CRACDL: variants seen among roughly 807,000 people sequenced by gnomAD.
CRACDL encodes the protein CRACD-like protein.
CRACDL carries 26 observed loss-of-function variants against 70.6 expected under a neutral mutation model. That is an observed-to-expected ratio of 0.37 (90% CI 0.27 to 0.51). The LOEUF (loss-of-function observed/expected upper bound fraction) is 0.51. CRACDL is among the 20% of genes least tolerant of loss of function. The pLI is 0.94. For synonymous variants in CRACDL, 618 were observed against 615.2 expected, an observed-to-expected ratio of 1.00 and a Z score of -0.07; for missense variants, 1,283 against 1,376.9, an observed-to-expected ratio of 0.93 and a Z score of 1.08.
intron 1 of CRACDL, among the ~76,000 whole-genome samples, chr2:98,933,749 T>TA (rs1709141837): frequency 6.6e-6 from 1 of 152,152 alleles, no homozygotes. Context: ...GGAGGCCTGG[T>TA]ACCTTCACAT....
intron 1 of CRACDL, among the ~76,000 whole-genome samples, chr2:98,900,994 C>A (rs766845152): frequency 2.6e-5 from 4 of 152,206 alleles, no homozygotes; most frequent in Non-Finnish European, 5.9e-5. Flanking sequence ...GAGCGCTGAG[C>A]CCTTCCCCTC....
At chr2:98,813,651 C>A (rs1190703766) in intron 7 of CRACDL, among the ~76,000 whole-genome samples, 2 of 152,066 alleles carry the variant, frequency 1.3e-5, no homozygotes, top group African/African-American at 4.8e-5. Flanking sequence ...AATATAGTAT[C>A]TCTGAATTTA....
chr2:98,827,065 G>T lies in CRACDL; in HGVS notation c.645C>A (p.Ser215=). 6.2e-7 allele frequency: 1 copy of T among 1,614,088 alleles called. No individual in the cohort carries two copies. The highest frequency in any genetic ancestry group is 1.1e-5 in the South Asian group (1 of 91,078). The change falls in exon 6 of 10, where the codon TCC becomes TCA. Residue 215 remains serine (S), a synonymous_variant. Coordinates refer to ENST00000397899, the MANE Select transcript of CRACDL (RefSeq NM_207362.3). The part of the protein sequence containing the change: ...PVADFSYPAE[S]SSCLDNSAAK... ...CTGCAGAGTTGTCCAGGCAGGAGGA[G>T]GATTCTGCAGGATAACTGAAGTCAG... is the stretch of plus-strand genomic sequence containing the variant.
chr2:98,818,886 T>C (rs1333109745), intron 7 of CRACDL, among the ~76,000 whole-genome samples: 2 of 152,162 alleles, frequency 1.3e-5, no homozygotes, highest in East Asian at 1.9e-4. Flanking sequence ...GTCCTTCCAA[T>C]ACCACTGCCC....
chr2:98,841,322 G>A (rs894915413), intron 2 of CRACDL, among the ~76,000 whole-genome samples: 4 of 151,892 alleles, frequency 2.6e-5, no homozygotes, highest in African/African-American at 9.7e-5. Context: ...ATAAAAACAA[G>A]TCTATCATCT....
chr2:98,893,035 C>T (rs1003032807), intron 1 of CRACDL, among the ~76,000 whole-genome samples: 1 of 152,214 alleles, frequency 6.6e-6, no homozygotes, highest in Non-Finnish European at 1.5e-5. Context: ...TATACCCTGA[C>T]ATCACCCCTT....
intron 7 of CRACDL, among the ~76,000 whole-genome samples, chr2:98,808,984 G>A (rs1241841317): frequency 2.0e-5 from 3 of 152,170 alleles, no homozygotes; most frequent in African/African-American, 4.8e-5. Context: ...AGCACTGCCC[G>A]ATCCTGGTCT....
chr2:98,883,727 T>A (rs1323157964), intron 1 of CRACDL, among the ~76,000 whole-genome samples: 2 of 152,184 alleles, frequency 1.3e-5, no homozygotes, highest in Non-Finnish European at 2.9e-5. Flanking sequence ...AAGTTCTGTC[T>A]TTACTGGAGC....
chr2:98,911,820 G>A (rs897312749), intron 1 of CRACDL, among the ~76,000 whole-genome samples: 7 of 151,910 alleles, frequency 4.6e-5, no homozygotes, highest in Admixed American at 1.3e-4. Flanking sequence ...TTAAACCCAC[G>A]GAAACCCCAA....
At chr2:98,838,022 C>T in intron 3 of CRACDL, 97 bp downstream of exon 3, 1 of 1,063,790 alleles carries the variant, frequency 9.4e-7, no homozygotes. Flanking sequence ...TGGAATTACC[C>T]AGGAGGAAAG....
chr2:98,911,579 T>G (rs1708549553), intron 1 of CRACDL, among the ~76,000 whole-genome samples: 1 of 152,168 alleles, frequency 6.6e-6, no homozygotes, highest in Non-Finnish European at 1.5e-5. Context: ...GGGGTGCCAG[T>G]GCCAGGAAGG....
chr2:98,871,941 T>C (rs1414112061), intron 1 of CRACDL, among the ~76,000 whole-genome samples: 1 of 152,134 alleles, frequency 6.6e-6, no homozygotes, highest in African/African-American at 2.4e-5. Context: ...AACAAATGAC[T>C]GGATAAAGAA....
At position 98,823,509 on chromosome 2, in the gene CRACDL, A is replaced by G; in HGVS notation, c.764T>C (p.Leu255Pro). ...TTCCTCCTCCTCTGGGGTGCACGTC[A>G]GGTCGCTCAGGGATTCAGACTGAGC... The part of the protein sequence containing the change: ...SRAQSESLSD[L>P]TCTPEEEENE... Residue 255 changes from leucine to proline, a missense_variant, in exon 7 of 10, where the codon CTG (leucine) becomes CCG (proline). By Grantham distance (98) the Leu-to-Pro change is moderately conservative. This residue lies in a region of CRACDL where 362 missense variants were observed against 495.0 expected (regional missense o/e 0.73). Transcript: ENST00000397899. The surrounding 1 kb of genome is among the most constrained non-coding windows in gnomAD (Gnocchi z 4.0). 1 of 1,591,022 alleles carries G rather than the reference A, an allele frequency of 6.3e-7. No individual in the cohort carries two copies. The highest frequency in any genetic ancestry group is 1.1e-5 in the South Asian group (1 of 89,562).
rs1405054323 is a variant in CRACDL, at chr2:98,822,065, A to C, written c.2208T>G (p.Leu736=). ...GGTCGCTGGGGGCCCTGGTGCCTCG[A>C]AGGGCGGGGGCCGTCCCGAGGGGAC... is the stretch of plus-strand genomic sequence containing the variant. ...EKCPLGTAPA[L]RGTRAPSDQG... is the part of the protein sequence containing the mutation. Residue 736 remains leucine (L), a synonymous_variant, in exon 7 of 10, where the codon CTT becomes CTG. Coordinates refer to ENST00000397899, the MANE Select transcript of CRACDL (RefSeq NM_207362.3). The surrounding 1 kb of genome is among the most constrained non-coding windows in gnomAD (Gnocchi z 4.9). 6.4e-7 allele frequency: 1 copy of C among 1,550,906 alleles called. No homozygotes were observed.
rs559250773 is a variant in CRACDL at position 98,855,028 on chromosome 2, G to A, written c.-10-8218C>T. ...TTCTTGGCTGGGTGCGGCGGCTCAC[G>A]CCTGTAATCCCAACACTTTGGGAGC... On this transcript the variant is annotated intron_variant, in intron 1 of 9. Coordinates refer to ENST00000397899, the MANE Select transcript of CRACDL (RefSeq NM_207362.3). 4.6e-5 allele frequency among the ~76,000 whole-genome samples: 7 copies of A among 152,290 alleles called. No individual in the cohort carries two copies. The South Asian group carries it at 1.2e-3, about 27-fold the overall frequency.
intron 7 of CRACDL, among the ~76,000 whole-genome samples, chr2:98,801,202 AATCTCTAGGCC>A (rs1704061243): frequency 1.3e-5 from 2 of 152,108 alleles, no homozygotes; most frequent in Non-Finnish European, 2.9e-5. Context: ...GGGCCCTTGT[AATCTCTAGGCC>A]CTGTTACAGG....
At chr2:98,923,622 A>C (rs1400990302) in intron 1 of CRACDL, among the ~76,000 whole-genome samples, 2 of 152,234 alleles carry the variant, frequency 1.3e-5, no homozygotes, top group African/African-American at 4.8e-5. Flanking sequence ...AATGAAATCA[A>C]TACTAGGTCA....
intron 7 of CRACDL, among the ~76,000 whole-genome samples, chr2:98,807,472 GTCAA>G (rs1226944151): frequency 6.6e-6 from 1 of 152,192 alleles, no homozygotes; most frequent in Non-Finnish European, 1.5e-5. Flanking sequence ...CCACAGCGGT[GTCAA>G]TCAAATATGT....
intron 7 of CRACDL, among the ~76,000 whole-genome samples, chr2:98,802,144 G>T (rs992865688): frequency 1.3e-5 from 2 of 152,258 alleles, no homozygotes; most frequent in African/African-American, 4.8e-5. Context: ...CCCTGTAAGG[G>T]CAGGCGCCTC....
Sources: gnomAD v4.1 joint callset for allele counts (sites outside exome capture counted in the v4.1 genomes callset) on GRCh38, gnomAD v4.1.1 for gene constraint, gnomAD v4.1.1 regional missense constraint, Gnocchi (gnomAD v3.1) non-coding constraint, MANE v1.5 for transcripts, NCBI Gene and HGNC (gene_info 2026-07-23, HGNC 2026-07-21) for gene names.